Variants in ENPP2 observed in about 807,000 individuals in gnomAD.
ENPP2 encodes the protein autotaxin.
ENPP2 carries 51 observed loss-of-function variants against 120.2 expected under a neutral mutation model. The observed-to-expected ratio is 0.42, with a 90% CI of 0.34 to 0.54. ENPP2 has a LOEUF of 0.54. Ranked by LOEUF, ENPP2 falls within the 20% of genes least tolerant of loss-of-function variation. The pLI, the probability that ENPP2 is intolerant of heterozygous loss-of-function variation, is 0.04. For missense variants in ENPP2, 920 were observed against 1,066.5 expected (o/e 0.86, Z 1.91); for synonymous variants, 365 against 366.4 (o/e 1.00, Z 0.04).
At chr8:119,588,528 C>CAAAAAAAAAAAA (rs58771451) in intron 13 of ENPP2, among the ~76,000 whole-genome samples, 1 of 68,198 alleles carries the variant, frequency 1.5e-5, no homozygotes, top group Non-Finnish European at 2.7e-5. Flanking sequence ...AACTCCGCCT[C>CAAAAAAAAAAAA]AAAAAAAAAA....
At chr8:119,613,870 T>C (rs1815279109) in intron 8 of ENPP2, among the ~76,000 whole-genome samples, 1 of 152,108 alleles carries the variant, frequency 6.6e-6, no homozygotes, top group Admixed American at 6.6e-5. Context: ...TTATCATTTC[T>C]TTTTGGTGAC....
At chr8:119,611,146 T>C (rs1304558099) in intron 8 of ENPP2, among the ~76,000 whole-genome samples, 2 of 152,196 alleles carry the variant, frequency 1.3e-5, no homozygotes, top group African/African-American at 4.8e-5. Flanking sequence ...GTAGGTTAAA[T>C]ATGAAATTCA....
At chr8:119,614,497 GA>G (rs1440255847) in intron 8 of ENPP2, among the ~76,000 whole-genome samples, 3 of 152,280 alleles carry the variant, frequency 2.0e-5, no homozygotes, top group Non-Finnish European at 2.9e-5. Context: ...AGTTAGTGAG[GA>G]AACAGGTAAA....
intron 1 of ENPP2, among the ~76,000 whole-genome samples, chr8:119,670,654 A>T (rs1818213714): frequency 6.6e-6 from 1 of 152,248 alleles, no homozygotes; most frequent in African/African-American, 2.4e-5. Flanking sequence ...GATGATCTGC[A>T]TCGTTTCCAA....
At chr8:119,637,499 G>A (rs539468684) in intron 2 of ENPP2, among the ~76,000 whole-genome samples, 5 of 152,202 alleles carry the variant, frequency 3.3e-5, no homozygotes, top group African/African-American at 1.2e-4. Context: ...TTTCAAGCTG[G>A]CTAAACAGAG....
At chr8:119,656,120 CT>C (rs2130885038) in intron 1 of ENPP2, among the ~76,000 whole-genome samples, 1 of 152,288 alleles carries the variant, frequency 6.6e-6, no homozygotes, top group East Asian at 1.9e-4. Flanking sequence ...TGATCACAGA[CT>C]TGTAGCCTAT....
At chr8:119,613,967 T>C (rs1025881378) in intron 8 of ENPP2, among the ~76,000 whole-genome samples, 8 of 151,934 alleles carry the variant, frequency 5.3e-5, no homozygotes, top group Non-Finnish European at 1.2e-4. Flanking sequence ...TACTGTATAA[T>C]AGAATAGAAC....
chr8:119,587,041 T>C lies in ENPP2; in HGVS notation c.1239+3A>G. 1 of 1,608,480 alleles carries C rather than the reference T, an allele frequency of 6.2e-7. No homozygotes were observed. The highest frequency in any genetic ancestry group is 8.5e-7 in the Non-Finnish European group (1 of 1,177,844). On this transcript the variant is annotated splice_donor_region_variant and intron_variant, in intron 14 of 24. Transcript: ENST00000075322. ...CAGAGGCGGGACAACTGGAAACACT[T>C]ACCGTGAGATTGGCAATAATGGCTT...
chr8:119,568,300 A>C, intron 21 of ENPP2, 48 bp from the exon 22 acceptor site: 1 of 946,714 alleles, frequency 1.1e-6, no homozygotes, highest in Non-Finnish European at 1.6e-6. Flanking sequence ...CAAAATCTAT[A>C]TCAGTTAAAA....
At chr8:119,563,855 A>G (rs1814169366) in intron 23 of ENPP2, among the ~76,000 whole-genome samples, 1 of 151,994 alleles carries the variant, frequency 6.6e-6, no homozygotes, top group Non-Finnish European at 1.5e-5. Context: ...TATTTATAAA[A>G]TAGCAATTTA....
Position 119,590,530 on chromosome 8 carries a change from T to C in ENPP2, c.1182A>G (p.Arg394=). 1 of 1,597,812 alleles carries C rather than the reference T, an allele frequency of 6.3e-7. No individual in the cohort carries two copies. Among genetic ancestry groups the C allele is most frequent in the African/African-American group, 1.3e-5 (1 of 74,160 alleles). The change falls in exon 13 of 25, where the codon CGA becomes CGG. Residue 394 remains arginine (R), a synonymous_variant. Transcript: ENST00000075322. ...ATTTAGCATTGTTGCTAAATTTGGA[T>C]CGAATTCTTCCTAGAGTTCCAGGCA... is the stretch of plus-strand genomic sequence containing the variant. The part of the protein sequence containing the change: ...TLVPGTLGRI[R]SKFSNNAKYD...
chr8:119,631,427 A>G (rs1816673067), intron 2 of ENPP2, among the ~76,000 whole-genome samples: 1 of 151,624 alleles, frequency 6.6e-6, no homozygotes, highest in East Asian at 1.9e-4. Context: ...CGTGTTAGCC[A>G]GGATGGTCTC....
intron 2 of ENPP2, among the ~76,000 whole-genome samples, chr8:119,627,009 A>G (rs1236906643): frequency 6.6e-6 from 1 of 152,238 alleles, no homozygotes; most frequent in East Asian, 1.9e-4. Context: ...TAGAAAGAGT[A>G]ACAAGTGTTG....
Position 119,609,920 on chromosome 8 carries a change from C to T in ENPP2, c.778-1943G>A, listed in dbSNP as rs142556547. Among the ~76,000 whole-genome samples the T allele has an allele frequency of 2.0e-3, 308 of 152,120 alleles. 3 individuals are homozygous for T. The Middle Eastern group carries it at 0.024, about 12-fold the overall frequency. On this transcript the variant is annotated intron_variant, in intron 8 of 24. Coordinates refer to ENST00000075322, the MANE Select transcript of ENPP2 (RefSeq NM_001040092.3). Reference sequence around the variant, plus strand: ...ATGACCTGCACTTTCAAAAAGTATACGGTAGAATACATGCTGATGTTGGCA... The same window carrying T: ...ATGACCTGCACTTTCAAAAAGTATATGGTAGAATACATGCTGATGTTGGCA...
intron 8 of ENPP2, among the ~76,000 whole-genome samples, chr8:119,614,065 T>G (rs1815297466): frequency 6.9e-6 from 1 of 145,234 alleles, no homozygotes; most frequent in East Asian, 2.0e-4. Flanking sequence ...GGGAAATCTT[T>G]TTTTTTTTTT....
chr8:119,610,689 G>A (rs1216007975), intron 8 of ENPP2, among the ~76,000 whole-genome samples: 1 of 151,906 alleles, frequency 6.6e-6, no homozygotes, highest in African/African-American at 2.4e-5. Flanking sequence ...GATCGCCTGA[G>A]GTCAGGAGTT....
intron 20 of ENPP2, among the ~76,000 whole-genome samples, chr8:119,570,230 C>G (rs895974434): frequency 2.8e-5 from 4 of 143,484 alleles, no homozygotes; most frequent in African/African-American, 1.1e-4. Context: ...GATCATGCCA[C>G]TGCACTCCAG....
chr8:119,642,062 T>C (rs1817300504), upstream of ENPP2, among the ~76,000 whole-genome samples: 1 of 152,224 alleles, frequency 6.6e-6, no homozygotes, highest in Non-Finnish European at 1.5e-5. Flanking sequence ...TTTTAGGCCA[T>C]GCTCCACTTG....
upstream of ENPP2, among the ~76,000 whole-genome samples, chr8:119,643,312 A>G (rs1161303670): frequency 2.0e-5 from 3 of 152,196 alleles, no homozygotes; most frequent in African/African-American, 4.8e-5. Flanking sequence ...AATTGCTCCC[A>G]CAATCCAGGA....
Sources: gnomAD v4.1 joint callset for allele counts (sites outside exome capture counted in the v4.1 genomes callset) on GRCh38, gnomAD v4.1.1 for gene constraint, MANE v1.5 for transcripts, NCBI Gene and HGNC (gene_info 2026-07-23, HGNC 2026-07-21) for gene names.